NFX1: variants seen among roughly 807,000 people sequenced by gnomAD.
NFX1 encodes the protein transcriptional repressor NF-X1.
NFX1 carries 69 observed loss-of-function variants against 137.2 expected under a neutral mutation model. The observed-to-expected ratio is 0.50, with a 90% confidence interval of 0.41 to 0.61. The LOEUF (loss-of-function observed/expected upper bound fraction) is 0.61, where lower values mean the gene tolerates loss of function less well. Among genes scored for constraint, NFX1 ranks in the 20% least tolerant of loss-of-function variants. NFX1 has a pLI of 0.00. For missense variants in NFX1, 1,167 were observed against 1,391.0 expected, an observed-to-expected ratio of 0.84 and a Z score of 2.56; for synonymous variants, 495 against 474.1, an observed-to-expected ratio of 1.04 and a Z score of -0.57.
At chr9:33,354,761 T>C in intron 18 of NFX1, 90 bp from the exon 19 acceptor site, 1 of 1,259,760 alleles carries the variant, frequency 7.9e-7, no homozygotes, top group South Asian at 1.6e-5. Flanking sequence ...TCAGCTGTGC[T>C]TCCAGGTTGA....
intron 15 of NFX1, among the ~76,000 whole-genome samples, 189 bp downstream of exon 15, chr9:33,347,306 A>G (rs1008822650): frequency 6.6e-6 from 1 of 152,230 alleles, no homozygotes; most frequent in Non-Finnish European, 1.5e-5. Context: ...GTACAGATCC[A>G]TGAGTTTTAG....
chr9:33,344,084 C>A lies in NFX1; in HGVS notation c.2240C>A (p.Thr747Asn). Residue 747 changes from threonine to asparagine, a missense_variant, in exon 14 of 24, where the codon ACC becomes AAC. By Grantham distance (65) the Thr-to-Asn change is moderately conservative (BLOSUM62 0). Transcript: ENST00000379540. ...TCWQASFDEL[T>N]CHCGASVIYP... ...GCTCCACCAGGTTTTGATGAATTAA[C>A]CTGCCATTGTGGTGCATCAGTGATT... 1 of 1,613,992 alleles carries A rather than the reference C, an allele frequency of 6.2e-7. No individual in the cohort carries two copies. Among genetic ancestry groups the A allele is most frequent in the Non-Finnish European group, 8.5e-7 (1 of 1,179,920 alleles).
chr9:33,364,732 C>T lies in NFX1; in HGVS notation c.2997C>T (p.Asp999=), dbSNP rs370802033. 42 of 1,613,046 alleles carry T rather than the reference C, an allele frequency of 2.6e-5. No homozygotes were observed. Among genetic ancestry groups the T allele is most frequent in the African/African-American group, 1.1e-4 (8 of 74,618 alleles). The change falls in exon 21 of 24, where the codon GAC becomes GAT. Residue 999 remains aspartate (D), a synonymous_variant. Transcript: ENST00000379540. The stretch of plus-strand genomic sequence containing the variant: ...GGAAGGACTTAAAGTTTGTCAGTGA[C>T]GTTGAGAAGGAAATGGAAACCCTCG... The part of the protein sequence containing the change: ...DARKDLKFVS[D]VEKEMETLVE...
intron 19 of NFX1, among the ~76,000 whole-genome samples, chr9:33,357,021 TG>T (rs1265594886): frequency 6.7e-6 from 1 of 149,400 alleles, no homozygotes; most frequent in African/African-American, 2.5e-5. Context: ...AAGCCGGGCA[TG>T]GTGGCTCACC....
Position 33,301,357 on chromosome 9 carries a change from C to T in NFX1, c.1128C>T (p.Ser376=). 1 of 1,614,166 alleles carries T rather than the reference C, an allele frequency of 6.2e-7. No individual in the cohort carries two copies. The highest frequency in any genetic ancestry group is 8.5e-7 in the Non-Finnish European group (1 of 1,180,030). ...CGGCCCCAGTGTGGAGTTGTCAGAG[C>T]TGTTACCATGTGTTTCATTTGAACT... ...RVTAPVWSCQ[S]CYHVFHLNCI... The change falls in exon 3 of 24, where the codon AGC becomes AGT. Residue 376 remains serine, a synonymous_variant. Transcript: ENST00000379540.
chr9:33,290,517 A>T lies in NFX1; in HGVS notation c.-56A>T. 6.2e-7 allele frequency: 1 copy of T among 1,602,316 alleles called. No homozygotes were observed. The highest frequency in any genetic ancestry group is 1.7e-4 in the Middle Eastern group (1 of 6,054). ...CGGCGCCGGAAGTCCGGGGCACGTG[A>T]CCTGGTGACAGTGCTGACTTGGCTG... On this transcript the variant is annotated 5_prime_UTR_variant, in exon 1 of 24. Transcript: ENST00000379540.
chr9:33,346,915 T>A (rs1823441917), intron 14 of NFX1, 123 bp from the exon 15 acceptor site: 1 of 611,650 alleles, frequency 1.6e-6, no homozygotes, highest in Admixed American at 3.3e-5. Context: ...GTGACCGTTT[T>A]TCAAAAGTAC....
At chr9:33,312,566 A>G (rs1175080255) in intron 6 of NFX1, among the ~76,000 whole-genome samples, 1 of 152,242 alleles carries the variant, frequency 6.6e-6, no homozygotes, top group Admixed American at 6.5e-5. Flanking sequence ...ACTTGAAGAC[A>G]ATTGTCTAAA....
intron 17 of NFX1, among the ~76,000 whole-genome samples, chr9:33,353,330 C>A (rs1823707964): frequency 6.6e-6 from 1 of 152,176 alleles, no homozygotes; most frequent in Non-Finnish European, 1.5e-5. Flanking sequence ...TCTAATTGTT[C>A]TGTGAGGTAT....
At position 33,331,307 on chromosome 9, in the gene NFX1, T is replaced by G. The variant is rs373144085; in HGVS notation, c.2005-1165T>G. 9.2e-5 allele frequency among the ~76,000 whole-genome samples: 14 copies of G among 152,372 alleles called. No individual in the cohort carries two copies. The East Asian group carries it at 2.5e-3, about 27-fold the overall frequency. On this transcript the variant is annotated intron_variant, in intron 10 of 23. Transcript: ENST00000379540. Reference sequence around the variant, plus strand: ...TGAGTTTTCTAGATAAATAAAACATTTCTTAAAACTTCAAAGGTTGTTTTC... The same window carrying G: ...TGAGTTTTCTAGATAAATAAAACATGTCTTAAAACTTCAAAGGTTGTTTTC...
chr9:33,294,906 C>T lies in NFX1; in HGVS notation c.512C>T (p.Ala171Val), dbSNP rs1435623690. ...ADPRGAKPKK[A>V]TQFVYSYGRG... is the part of the protein sequence containing the mutation. The stretch of plus-strand genomic sequence containing the variant: ...CCCAGGGGAGCAAAACCCAAAAAAG[C>T]AACACAGTTTGTATACAGCTATGGT... The change falls in exon 2 of 24, where the codon GCA (alanine) becomes GTA (valine). Residue 171 changes from alanine to valine, a missense_variant. Coordinates refer to ENST00000379540, the MANE Select transcript of NFX1 (RefSeq NM_002504.6). 1 of 1,614,010 alleles carries T rather than the reference C, an allele frequency of 6.2e-7. No individual in the cohort carries two copies. Among genetic ancestry groups the T allele is most frequent in the South Asian group, 1.1e-5 (1 of 91,074 alleles).
intron 7 of NFX1, among the ~76,000 whole-genome samples, chr9:33,316,933 C>T (rs1327981303): frequency 6.6e-6 from 1 of 152,108 alleles, no homozygotes; most frequent in Non-Finnish European, 1.5e-5. Context: ...TATTCATTAC[C>T]TCTGTAAAAA....
Position 33,303,965 on chromosome 9 carries a change from G to A in NFX1, c.1270+697G>A, listed in dbSNP as rs115063688. ...TCTGTCTTGTTGCCTCACTGAAACC[G>A]TATTCAGAAATTACCAATGGGCCGG... On this transcript the variant is annotated intron_variant, in intron 4 of 23. Transcript: ENST00000379540. Among the ~76,000 whole-genome samples, 982 of 152,208 alleles carry A rather than the reference G, an allele frequency of 6.5e-3. 15 individuals are homozygous for A. The highest frequency in any genetic ancestry group is 0.021 in the African/African-American group (875 of 41,524).
chr9:33,293,198 G>T (rs1285044632), intron 1 of NFX1, among the ~76,000 whole-genome samples: 3 of 152,198 alleles, frequency 2.0e-5, no homozygotes, highest in Admixed American at 1.3e-4. Context: ...GTGGCCTTGG[G>T]CAAGTTCCTA....
At chr9:33,290,900 G>C (rs1270399945) in intron 1 of NFX1, among the ~76,000 whole-genome samples, 2 of 152,216 alleles carry the variant, frequency 1.3e-5, no homozygotes, top group Non-Finnish European at 2.9e-5. Flanking sequence ...ACTGACCTTC[G>C]ACAGGCGGGC....
intron 9 of NFX1, among the ~76,000 whole-genome samples, chr9:33,328,371 G>C (rs1324338136): frequency 6.6e-6 from 1 of 152,060 alleles, no homozygotes; most frequent in Non-Finnish European, 1.5e-5. Context: ...GCATATTCCA[G>C]TGTCTAAGCT....
intron 9 of NFX1, 47 bp downstream of exon 9, chr9:33,319,174 G>T: frequency 1.3e-6 from 2 of 1,522,234 alleles, no homozygotes; most frequent in Non-Finnish European, 1.8e-6. Flanking sequence ...ATTGTAAATG[G>T]TTGGCAGCAG....
At chr9:33,349,272 G>A (rs1303915537) in intron 15 of NFX1, among the ~76,000 whole-genome samples, 3 of 152,172 alleles carry the variant, frequency 2.0e-5, no homozygotes, top group African/African-American at 7.2e-5. Context: ...CATGAAAACA[G>A]ACAATAGCAG....
chr9:33,347,211 TAC>T, intron 15 of NFX1, 94 bp downstream of exon 15: 2 of 953,980 alleles, frequency 2.1e-6, no homozygotes, highest in Non-Finnish European at 3.2e-6. Flanking sequence ...TCAAAGTAAA[TAC>T]ACTCAGAAGT....
Sources: gnomAD v4.1 joint callset for allele counts (sites outside exome capture counted in the v4.1 genomes callset) on GRCh38, gnomAD v4.1.1 for gene constraint, MANE v1.5 for transcripts, NCBI Gene and HGNC (gene_info 2026-07-23, HGNC 2026-07-21) for gene names.